Variants in ZZEF1 observed in about 807,000 individuals in gnomAD.
The protein encoded by ZZEF1 is zinc finger ZZ-type and EF-hand domain containing 1, also known as zinc finger ZZ-type and EF-hand domain-containing protein 1.
Under a neutral mutation model 342.8 loss-of-function variants are expected in ZZEF1, and 157 were observed. The ratio of observed to expected loss-of-function variants is 0.46; its 90% confidence interval spans 0.40 to 0.52. The LOEUF (loss-of-function observed/expected upper bound fraction) is 0.52, where lower values mean the gene tolerates loss of function less well. ZZEF1 is among the 20% of genes least tolerant of loss of function. The pLI is 0.00. For synonymous variants in ZZEF1, 1,505 were observed against 1,429.1 expected, an observed-to-expected ratio of 1.05 and a Z score of -1.20; for missense variants, 3,480 against 3,725.6, an observed-to-expected ratio of 0.93 and a Z score of 1.72.
rs375819079 is a variant in ZZEF1, at chr17:4,021,278, C to T, written c.7255G>A (p.Ala2419Thr). ...TCTAGGTCTCCGTGCTCAGCCAAAG[C>T]GTTGATCTCCTTTTTTGAGGAGTAC... ...MLYSSKKEIN[A>T]LAEHGDLELD... Residue 2419 changes from alanine (A) to threonine (T), a missense_variant, in exon 45 of 55, where the codon GCT (alanine) becomes ACT (threonine). By Grantham distance (58) the Ala-to-Thr change is moderately conservative. Around this residue, in one of 5 missense-constraint regions of ZZEF1, gnomAD observed 1,269 missense variants for 1,342.4 expected, o/e 0.95. Transcript: ENST00000381638. 11 of 1,613,944 alleles carry T rather than the reference C, an allele frequency of 6.8e-6. No individual in the cohort carries two copies. Among genetic ancestry groups the T allele is most frequent in the African/African-American group, 1.3e-5 (1 of 74,926 alleles).
Position 4,017,268 on chromosome 17 carries a change from C to G in ZZEF1, c.8001+103G>C. 1 of 1,479,130 alleles carries G rather than the reference C, an allele frequency of 6.8e-7. No individual in the cohort carries two copies. 91.6% of individuals were successfully genotyped at this position (1,479,130 alleles called of 1,614,324 possible). A position where few individuals can be genotyped will look rare whatever the true frequency, so the allele number is the denominator to read the frequency against. On this transcript the variant is annotated intron_variant, in intron 48 of 54. Transcript: ENST00000381638. This position sits in a 1 kb window ranked among gnomAD's most constrained non-coding sequence, Gnocchi z 5.1. ...CATTCACACCTGTCAGGGAGCTGCA[C>G]AGCCACACAGGTAGCCTCGCTCCAG...
intron 17 of ZZEF1, 117 bp downstream of exon 17, chr17:4,082,320 T>C: frequency 1.0e-6 from 1 of 954,282 alleles, no homozygotes; most frequent in African/African-American, 1.6e-5. Context: ...AACTCGGCTT[T>C]CTAACTGAGT....
intron 40 of ZZEF1, chr17:4,033,397 G>C (rs2056593183): frequency 6.0e-6 from 1 of 167,610 alleles, no homozygotes; most frequent in African/African-American, 2.4e-5. Flanking sequence ...GTCCAGGCTG[G>C]GGTGTAATGG....
chr17:4,057,895 C>T, intron 32 of ZZEF1, 99 bp downstream of exon 32: 1 of 1,255,108 alleles, frequency 8.0e-7, no homozygotes, highest in Middle Eastern at 2.1e-4. Flanking sequence ...ATGACACAGA[C>T]AGTCTAGCTC....
chr17:4,052,642 A>G (rs1449086996), intron 34 of ZZEF1, among the ~76,000 whole-genome samples: 1 of 152,228 alleles, frequency 6.6e-6, no homozygotes, highest in African/African-American at 2.4e-5. Context: ...CGAGGCAGGC[A>G]GATCGCTTGA....
intron 25 of ZZEF1, among the ~76,000 whole-genome samples, 163 bp downstream of exon 25, chr17:4,072,445 A>T (rs2057527686): frequency 6.6e-6 from 1 of 152,210 alleles, no homozygotes; most frequent in South Asian, 2.1e-4. Flanking sequence ...CCCCTGTGGG[A>T]CACGGTGGCG....
At position 4,142,946 on chromosome 17, in the gene ZZEF1, C is replaced by G. The variant is rs931821432; in HGVS notation, c.-51G>C. ...TCTGCAGCCGCCGCCGCCGCCTCCC[C>G]GCCTCGACCTGTCAACCTCCGACAG... is the stretch of plus-strand genomic sequence containing the variant. On this transcript the variant is annotated 5_prime_UTR_variant, in exon 1 of 55. Transcript: ENST00000381638. The G allele has an allele frequency of 2.8e-5, 36 of 1,301,380 alleles. No individual in the cohort carries two copies. The highest frequency in any genetic ancestry group is 3.5e-5 in the Non-Finnish European group (36 of 1,028,660). 80.6% of individuals were successfully genotyped at this position (1,301,380 alleles called of 1,614,324 possible). A position where few individuals can be genotyped will look rare whatever the true frequency, so the allele number is the denominator to read the frequency against.
Position 4,016,590 on chromosome 17 carries a change from G to C in ZZEF1, c.8002-124C>G. 1 of 1,218,698 alleles carries C rather than the reference G, an allele frequency of 8.2e-7. No homozygotes were observed. The highest frequency in any genetic ancestry group is 2.6e-5 in the East Asian group (1 of 38,596). The allele number at this position is 1,218,698 out of a possible 1,614,324, so 75.5% of individuals were successfully genotyped here. The stretch of plus-strand genomic sequence containing the variant: ...CATCTTAGACCTAGGACGAGCCTCT[G>C]TGACTCCACCACCCAAAACCAACTC... On this transcript the variant is annotated intron_variant, in intron 48 of 54. Coordinates refer to ENST00000381638, the MANE Select transcript of ZZEF1 (RefSeq NM_015113.4). The surrounding 1 kb of genome is among the most constrained non-coding windows in gnomAD (Gnocchi z 4.4).
chr17:4,092,885 C>T (rs2057970038), intron 11 of ZZEF1, among the ~76,000 whole-genome samples: 1 of 151,794 alleles, frequency 6.6e-6, no homozygotes, highest in Admixed American at 6.6e-5. Context: ...TCCTAGTCCT[C>T]TGACGTAGGC....
At chr17:4,125,955 G>T (rs188180246) in intron 1 of ZZEF1, among the ~76,000 whole-genome samples, 1 of 152,052 alleles carries the variant, frequency 6.6e-6, no homozygotes, top group Non-Finnish European at 1.5e-5. Flanking sequence ...GGCCGGGCGC[G>T]GTGGTTCACA....
At chr17:4,067,284 C>A in intron 26 of ZZEF1, 42 bp from the exon 27 acceptor site, 4 of 1,504,510 alleles carry the variant, frequency 2.7e-6, no homozygotes, top group Non-Finnish European at 3.7e-6. Flanking sequence ...TCAGGTAACA[C>A]AATTCACTAC....
At position 4,016,920 on chromosome 17, in the gene ZZEF1, GAT is replaced by G. The variant is rs1217980049; in HGVS notation, c.8001+449_8001+450del. ...GTGGCTCCCTCTGTCCCTTCCGAAA[GAT>G]AGATATGCTAGAGCAAGCCTGCCAG... On this transcript the variant is annotated intron_variant, in intron 48 of 54. Coordinates refer to ENST00000381638, the MANE Select transcript of ZZEF1 (RefSeq NM_015113.4). The surrounding 1 kb of genome is among the most constrained non-coding windows in gnomAD (Gnocchi z 4.4). 1.0e-5 allele frequency: 2 copies of G among 194,752 alleles called. No individual in the cohort carries two copies. The highest frequency in any genetic ancestry group is 4.7e-5 in the African/African-American group (2 of 42,804). The allele number at this position is 194,752 out of a possible 1,614,324, so 12.1% of individuals were successfully genotyped here. A position where few individuals can be genotyped will look rare whatever the true frequency, so the allele number is the denominator to read the frequency against.
intron 6 of ZZEF1, among the ~76,000 whole-genome samples, chr17:4,109,162 A>T (rs888431747): frequency 2.0e-5 from 3 of 152,176 alleles, no homozygotes; most frequent in Non-Finnish European, 4.4e-5. Flanking sequence ...CTGATCCATT[A>T]CTGCAGCCTG....
In ZZEF1 at chr17:4,017,372, T is replaced by G; in HGVS notation, c.8000A>C (p.Lys2667Thr). The G allele has an allele frequency of 6.3e-7, 1 of 1,589,790 alleles. No individual in the cohort carries two copies. ...CACAAGCTCAGTCTGCATAACTACC[T>G]TCTCCCACTCATGCTTTTCTTCCAG... ...MQLEEKHEWE[K>T]ILQKVLQGCR... The change falls in exon 48 of 55, where the codon AAG (lysine) becomes ACG (threonine). Residue 2667 changes from lysine (K) to threonine (T), a missense_variant and splice_region_variant. Physicochemically the swap from Lys to Thr is moderately conservative, Grantham distance 78. Transcript: ENST00000381638. This position sits in a 1 kb window ranked among gnomAD's most constrained non-coding sequence, Gnocchi z 5.1.
chr17:4,082,314 C>T (rs921035043), intron 17 of ZZEF1, 123 bp downstream of exon 17: 13 of 860,374 alleles, frequency 1.5e-5, no homozygotes, highest in Admixed American at 2.3e-5. Flanking sequence ...CACAGAAACT[C>T]GGCTTTCTAA....
intron 8 of ZZEF1, among the ~76,000 whole-genome samples, chr17:4,104,384 A>G (rs886646913): frequency 2.0e-5 from 3 of 152,162 alleles, no homozygotes; most frequent in Non-Finnish European, 2.9e-5. Flanking sequence ...TCATGGGAGT[A>G]TAGCCTTGTG....
intron 3 of ZZEF1, among the ~76,000 whole-genome samples, chr17:4,116,233 C>T (rs932535189): frequency 6.6e-6 from 1 of 152,184 alleles, no homozygotes; most frequent in Non-Finnish European, 1.5e-5. Context: ...GTAGGAGAAT[C>T]GCTCGAACCC....
Position 4,059,184 on chromosome 17 carries a change from T to C in ZZEF1, c.4990A>G (p.Ser1664Gly), listed in dbSNP as rs1369273071. Residue 1664 changes from serine (S) to glycine (G), a missense_variant, in exon 31 of 55, where the codon AGC becomes GGC. This residue lies in a region of ZZEF1 where 1,528 missense variants were observed against 1,624.1 expected (regional missense o/e 0.94). Transcript: ENST00000381638. ...FLVKAVKGFS[S>G]LNDRSLLPAL... ...GTTATCCAGTACCTGTCATTTAGGCTACTAAATCCTTTAACTGCTTTGACC... is the reference window on the plus strand; with the variant it reads ...GTTATCCAGTACCTGTCATTTAGGCCACTAAATCCTTTAACTGCTTTGACC... 1.3e-6 allele frequency: 2 copies of C among 1,593,292 alleles called. No individual in the cohort carries two copies. Among genetic ancestry groups the C allele is most frequent in the Admixed American group, 1.9e-5 (1 of 52,568 alleles).
chr17:4,075,225 T>C, intron 22 of ZZEF1, 38 bp downstream of exon 22: 2 of 1,613,744 alleles, frequency 1.2e-6, no homozygotes, highest in Non-Finnish European at 1.7e-6. Context: ...ATTGCTGACC[T>C]ATTAGCGCTT....
Sources: allele counts gnomAD v4.1 joint callset (sites outside exome capture counted in the v4.1 genomes callset), GRCh38; gene constraint gnomAD v4.1.1; regional missense constraint gnomAD v4.1.1; non-coding constraint Gnocchi (gnomAD v3.1); transcripts MANE v1.5; gene names NCBI Gene and HGNC (gene_info 2026-07-23, HGNC 2026-07-21).